The following EXOC4 variants were observed in gnomAD, a reference collection of about 807,000 sequenced individuals.
EXOC4 encodes SEC8-like 1.
In EXOC4, 71 loss-of-function variants were observed where a neutral mutation model predicts 107.2. The observed-to-expected ratio is 0.66, with a 90% confidence interval of 0.55 to 0.81. EXOC4 has a LOEUF of 0.81. Among genes scored for constraint, EXOC4 ranks in the 30% least tolerant of loss-of-function variants. The probability of loss-of-function intolerance (pLI) is 0.00; values close to 1 mark genes in which losing one functional copy is unlikely to be tolerated. For missense variants in EXOC4, 1,108 were observed against 1,189.6 expected (o/e 0.93, Z 1.01); for synonymous variants, 456 against 441.2 (o/e 1.03, Z -0.42).
At chr7:133,338,710 C>A (rs1378873849) in intron 5 of EXOC4, among the ~76,000 whole-genome samples, 1 of 150,132 alleles carries the variant, frequency 6.7e-6, no homozygotes, top group African/African-American at 2.4e-5. Context: ...TTTTGGTGCA[C>A]CCACAGGAGC....
chr7:134,048,631 C>T (rs145319251), intron 17 of EXOC4, among the ~76,000 whole-genome samples: 142 of 152,302 alleles, frequency 9.3e-4, no homozygotes, highest in African/African-American at 3.3e-3. Context: ...TATGTTCTCA[C>T]TGCTAGCCTT....
chr7:133,947,690 C>T (rs1011316482), intron 14 of EXOC4, among the ~76,000 whole-genome samples: 1 of 152,174 alleles, frequency 6.6e-6, no homozygotes, highest in African/African-American at 2.4e-5. Flanking sequence ...TGTGGAGCTA[C>T]AGAAGGCTAG....
chr7:133,951,914 C>T (rs1029230881), intron 14 of EXOC4, among the ~76,000 whole-genome samples: 3 of 152,190 alleles, frequency 2.0e-5, no homozygotes, highest in Non-Finnish European at 2.9e-5. Flanking sequence ...AATCCTACCA[C>T]TCTGGGGGGC....
At chr7:133,550,318 C>G (rs1187228638) in intron 9 of EXOC4, among the ~76,000 whole-genome samples, 1 of 152,186 alleles carries the variant, frequency 6.6e-6, no homozygotes, top group Non-Finnish European at 1.5e-5. Flanking sequence ...TAGCCTAAAC[C>G]TCTTTCATAC....
intron 10 of EXOC4, among the ~76,000 whole-genome samples, chr7:133,685,166 A>G (rs559545828): frequency 6.6e-6 from 1 of 152,270 alleles, no homozygotes; most frequent in African/African-American, 2.4e-5. Context: ...AGCAGTTGGT[A>G]TGGTCAGGCT....
chr7:133,970,751 G>C (rs1801201531), intron 14 of EXOC4, among the ~76,000 whole-genome samples: 1 of 152,076 alleles, frequency 6.6e-6, no homozygotes, highest in South Asian at 2.1e-4. Context: ...CTTCTGCGTT[G>C]ATCTCGCTGG....
intron 10 of EXOC4, among the ~76,000 whole-genome samples, chr7:133,653,389 G>A (rs1803209575): frequency 6.6e-6 from 1 of 152,146 alleles, no homozygotes; most frequent in African/African-American, 2.4e-5. Context: ...GTACTAAGAT[G>A]CCCCTTTACT....
At chr7:134,054,721 A>G (rs1795881550) in intron 17 of EXOC4, among the ~76,000 whole-genome samples, 1 of 152,124 alleles carries the variant, frequency 6.6e-6, no homozygotes, top group Non-Finnish European at 1.5e-5. Context: ...TCATTTTGCT[A>G]GTTATATTTT....
At chr7:133,892,687 A>G (rs914811142) in intron 11 of EXOC4, among the ~76,000 whole-genome samples, 1 of 87,420 alleles carries the variant, frequency 1.1e-5, no homozygotes, top group Non-Finnish European at 2.0e-5. Flanking sequence ...TTATGTACCC[A>G]GTAGTCATTC....
At chr7:133,489,034 A>G (rs1232058487) in intron 9 of EXOC4, among the ~76,000 whole-genome samples, 1 of 149,162 alleles carries the variant, frequency 6.7e-6, no homozygotes, top group East Asian at 1.9e-4. Context: ...TAATATATTT[A>G]ATATATATAA....
intron 13 of EXOC4, among the ~76,000 whole-genome samples, chr7:133,924,533 ATT>A (rs988303251): frequency 6.6e-5 from 10 of 152,196 alleles, no homozygotes; most frequent in African/African-American, 2.4e-4. Context: ...CTTTATTCTT[ATT>A]TTGCTCACTG....
At chr7:133,326,693 T>C (rs1399105371) in intron 5 of EXOC4, among the ~76,000 whole-genome samples, 2 of 152,194 alleles carry the variant, frequency 1.3e-5, no homozygotes, top group Non-Finnish European at 2.9e-5. Flanking sequence ...CGTTCTCAGA[T>C]CTCAAATTCC....
At chr7:133,353,061 G>T (rs1430676536) in intron 5 of EXOC4, among the ~76,000 whole-genome samples, 4 of 151,966 alleles carry the variant, frequency 2.6e-5, no homozygotes, top group Non-Finnish European at 5.9e-5. Flanking sequence ...ACAAAATGTG[G>T]ATTTATAAAC....
intron 7 of EXOC4, among the ~76,000 whole-genome samples, chr7:133,465,392 T>C (rs1249000616): frequency 6.6e-6 from 1 of 152,148 alleles, no homozygotes; most frequent in African/African-American, 2.4e-5. Context: ...AGATCCAAAA[T>C]ACATGGAGGA....
chr7:133,320,524 T>C (rs1795088034), intron 5 of EXOC4, among the ~76,000 whole-genome samples: 1 of 152,136 alleles, frequency 6.6e-6, no homozygotes. Flanking sequence ...CCTGGATAAT[T>C]CTGGCTAATC....
intron 9 of EXOC4, among the ~76,000 whole-genome samples, chr7:133,516,220 C>T (rs1799872702): frequency 6.6e-6 from 1 of 152,180 alleles, no homozygotes; most frequent in African/African-American, 2.4e-5. Context: ...ACATACCATA[C>T]TGTTCACCCA....
intron 3 of EXOC4, among the ~76,000 whole-genome samples, chr7:133,295,503 G>A (rs1794499407): frequency 6.6e-6 from 1 of 152,150 alleles, no homozygotes; most frequent in Admixed American, 6.6e-5. Context: ...TTTTAGGTAA[G>A]TAAATATGTT....
intron 10 of EXOC4, among the ~76,000 whole-genome samples, chr7:133,684,996 C>T (rs983640045): frequency 1.3e-5 from 2 of 152,156 alleles, no homozygotes; most frequent in Non-Finnish European, 2.9e-5. Flanking sequence ...GGAAATTTGT[C>T]TTGGCAAAAG....
At chr7:133,970,885 G>A (rs1007340124) in intron 14 of EXOC4, among the ~76,000 whole-genome samples, 13 of 64,774 alleles carry the variant, frequency 2.0e-4, no homozygotes, top group African/African-American at 1.3e-3. Context: ...GGTTCCAAAT[G>A]GTTTCCCCTG....
Sources: gnomAD v4.1 joint callset for allele counts (sites outside exome capture counted in the v4.1 genomes callset) on GRCh38, gnomAD v4.1.1 for gene constraint, MANE v1.5 for transcripts, NCBI Gene and HGNC (gene_info 2026-07-23, HGNC 2026-07-21) for gene names.